MAPRE2: variants seen among roughly 807,000 people sequenced by gnomAD.
MAPRE2 encodes the protein microtubule associated protein RP/EB family member 2, also known as microtubule-associated protein RP/EB family member 2.
A neutral mutation model predicts 43.2 loss-of-function variants in MAPRE2; 13 were observed. The observed-to-expected ratio is 0.30, with a 90% CI of 0.20 to 0.48. MAPRE2 has a LOEUF of 0.48. MAPRE2 is among the 20% of genes least tolerant of loss of function. The probability of loss-of-function intolerance (pLI) is 0.99; values close to 1 mark genes in which losing one functional copy is unlikely to be tolerated. For missense variants in MAPRE2, 161 were observed against 400.2 expected (o/e 0.40, Z 5.10); for synonymous variants, 135 against 148.8 (o/e 0.91, Z 0.68).
At chr18:34,978,521 A>C (rs1386113837) in intron 1 of MAPRE2, 2 of 1,551,612 alleles carry the variant, frequency 1.3e-6, no homozygotes, top group East Asian at 2.4e-5. Context: ...CTGTGGAATG[A>C]AACAGAACAG....
chr18:35,041,306 TG>T, upstream of MAPRE2: 1 of 1,413,514 alleles, frequency 7.1e-7, no homozygotes, highest in Non-Finnish European at 9.2e-7. Flanking sequence ...GTTAGCGGGT[TG>T]CCATGGCAAC....
At chr18:35,034,256 A>G (rs1403826175) in intron 2 of MAPRE2, among the ~76,000 whole-genome samples, 1 of 152,182 alleles carries the variant, frequency 6.6e-6, no homozygotes, top group Non-Finnish European at 1.5e-5. Flanking sequence ...AAAACAAGCA[A>G]TGGGGAAAGG....
chr18:35,057,291 A>G (rs1906281111), intron 1 of MAPRE2, among the ~76,000 whole-genome samples: 1 of 152,190 alleles, frequency 6.6e-6, no homozygotes, highest in African/African-American at 2.4e-5. Flanking sequence ...CTAGTATTAC[A>G]GGCATGAGCC....
chr18:35,009,237 G>A (rs2097033253), intron 2 of MAPRE2, among the ~76,000 whole-genome samples: 1 of 152,090 alleles, frequency 6.6e-6, no homozygotes, highest in African/African-American at 2.4e-5. Context: ...CCATGAAGGT[G>A]AGTTGGTGTG....
At chr18:35,006,915 A>T (rs1024887499) in intron 2 of MAPRE2, among the ~76,000 whole-genome samples, 5 of 152,222 alleles carry the variant, frequency 3.3e-5, no homozygotes, top group Admixed American at 1.3e-4. Context: ...GTGAGCCAAG[A>T]TCGTGCCACT....
chr18:35,065,768 G>A (rs112152219), intron 1 of MAPRE2, among the ~76,000 whole-genome samples: 4,940 of 152,206 alleles, frequency 0.032, 134 homozygotes, highest in African/African-American at 0.077. Context: ...TGGCCAGGCT[G>A]GTCTCGAACT....
chr18:35,088,938 A>G (rs1406148767), intron 2 of MAPRE2, among the ~76,000 whole-genome samples: 1 of 152,238 alleles, frequency 6.6e-6, no homozygotes, highest in African/African-American at 2.4e-5. Flanking sequence ...TGAAACAATG[A>G]AAACAGAGAC....
intron 1 of MAPRE2, among the ~76,000 whole-genome samples, chr18:35,066,069 G>C (rs1906825042): frequency 6.6e-6 from 1 of 152,222 alleles, no homozygotes; most frequent in Non-Finnish European, 1.5e-5. Flanking sequence ...ACCCCGCACA[G>C]TGAGTTGCTC....
intron 1 of MAPRE2, among the ~76,000 whole-genome samples, chr18:34,982,228 A>T (rs1017513024): frequency 6.6e-6 from 1 of 152,112 alleles, no homozygotes; most frequent in Non-Finnish European, 1.5e-5. Flanking sequence ...CCAACCCCAA[A>T]CATGTTGAGC....
chr18:35,076,274 C>T (rs1907348612), intron 2 of MAPRE2, among the ~76,000 whole-genome samples: 1 of 152,188 alleles, frequency 6.6e-6, no homozygotes, highest in African/African-American at 2.4e-5. Flanking sequence ...TCAAATAGCT[C>T]AGTACAGCAG....
At chr18:35,017,713 A>G (rs564728441) in intron 2 of MAPRE2, among the ~76,000 whole-genome samples, 59 of 151,978 alleles carry the variant, frequency 3.9e-4, no homozygotes, top group African/African-American at 1.2e-3. Flanking sequence ...TATCTGTTCC[A>G]GCAGTATTTT....
At chr18:35,009,677 A>G (rs895628939) in intron 2 of MAPRE2, among the ~76,000 whole-genome samples, 1 of 152,244 alleles carries the variant, frequency 6.6e-6, no homozygotes, top group Non-Finnish European at 1.5e-5. Context: ...CTGAGAATGC[A>G]CGGAGGATAG....
chr18:35,070,139 T>G (rs949450874), intron 1 of MAPRE2, 56 bp from the exon 2 acceptor site: 6 of 1,519,782 alleles, frequency 3.9e-6, no homozygotes, highest in Non-Finnish European at 4.4e-6. Context: ...AATAGGTATC[T>G]TTTGTGTTTC....
intron 5 of MAPRE2, among the ~76,000 whole-genome samples, chr18:35,128,046 A>G (rs1299875869): frequency 6.6e-6 from 1 of 152,188 alleles, no homozygotes; most frequent in African/African-American, 2.4e-5. Context: ...GTGGTGATTA[A>G]TCTTATTCTT....
chr18:35,096,544 G>C (rs1044192407), intron 2 of MAPRE2, among the ~76,000 whole-genome samples: 1 of 151,808 alleles, frequency 6.6e-6, no homozygotes, highest in Non-Finnish European at 1.5e-5. Context: ...TTCCCCAGGG[G>C]GCTCATTGGA....
At chr18:35,124,642 T>A (rs1005051225) in intron 4 of MAPRE2, among the ~76,000 whole-genome samples, 10 of 151,978 alleles carry the variant, frequency 6.6e-5, no homozygotes, top group Admixed American at 2.6e-4. Flanking sequence ...TAAGGGGTGT[T>A]GATCATAGGT....
chr18:34,985,635 TATA>T (rs1396194867), intron 1 of MAPRE2, among the ~76,000 whole-genome samples: 156 of 103,708 alleles, frequency 1.5e-3, no homozygotes, highest in African/African-American at 5.6e-3. Context: ...ACATATATAT[TATA>T]ATAATATATA....
chr18:34,984,729 T>C (rs2150570745), intron 1 of MAPRE2, among the ~76,000 whole-genome samples: 1 of 143,358 alleles, frequency 7.0e-6, no homozygotes, highest in Non-Finnish European at 1.5e-5. Flanking sequence ...TACATTCACA[T>C]TTTAATAATA....
intron 1 of MAPRE2, among the ~76,000 whole-genome samples, chr18:34,999,316 T>C (rs773828313): frequency 1.3e-5 from 2 of 152,238 alleles, no homozygotes; most frequent in Non-Finnish European, 2.9e-5. Context: ...TTATTTCCCA[T>C]ATATGTAGTT....
Sources: allele counts gnomAD v4.1 joint callset (sites outside exome capture counted in the v4.1 genomes callset), GRCh38; gene constraint gnomAD v4.1.1; transcripts MANE v1.5; gene names NCBI Gene and HGNC (gene_info 2026-07-23, HGNC 2026-07-21).